The following DMD variants were observed in gnomAD, a reference collection of about 807,000 sequenced individuals.
DMD encodes the protein mutant dystrophin.
In DMD, 63 loss-of-function variants were observed where a neutral mutation model predicts 330.1. That is an observed-to-expected ratio of 0.19 (90% CI 0.16 to 0.24). The LOEUF (loss-of-function observed/expected upper bound fraction) is 0.24. Among genes scored for constraint, DMD ranks in the 10% least tolerant of loss-of-function variants. The pLI, the probability that DMD is intolerant of heterozygous loss-of-function variation, is 1.00. For synonymous variants in DMD, 1,223 were observed against 959.8 expected, an observed-to-expected ratio of 1.27 and a Z score of -5.07; for missense variants, 3,344 against 2,684.1, an observed-to-expected ratio of 1.25 and a Z score of -5.43.
At chrX:32,111,123 A>G (rs2096587415) in intron 44 of DMD, among the ~76,000 whole-genome samples, 1 of 112,345 alleles carries the variant, frequency 8.9e-6, no homozygotes, top group South Asian at 3.7e-4. Context: ...AGGTCCATCA[A>G]ACAGCCCAAT....
At chrX:32,564,520 T>A (rs1432529714) in intron 16 of DMD, among the ~76,000 whole-genome samples, 1 of 112,077 alleles carries the variant, frequency 8.9e-6, no homozygotes, top group East Asian at 2.8e-4. Context: ...GGAATCATAA[T>A]ATAGTACTAA....
intron 7 of DMD, among the ~76,000 whole-genome samples, chrX:32,708,288 T>C (rs1168564407): frequency 9.2e-6 from 1 of 109,025 alleles, no homozygotes; most frequent in Non-Finnish European, 1.9e-5. Context: ...TGATCAGGTT[T>C]TTTTTTTTTT....
intron 44 of DMD, among the ~76,000 whole-genome samples, chrX:31,968,730 G>A (rs1421684385): frequency 1.8e-5 from 2 of 111,458 alleles, no homozygotes; most frequent in African/African-American, 3.3e-5. Context: ...GCACCCTCTC[G>A]GTTAGCTCCA....
intron 1 of DMD, among the ~76,000 whole-genome samples, chrX:33,249,369 T>A (rs2052729368): frequency 9.0e-6 from 1 of 111,615 alleles, no homozygotes; most frequent in Non-Finnish European, 1.9e-5. Flanking sequence ...CAGGCTGGTC[T>A]CGAACTCCTG....
chrX:32,391,903 G>C (rs2098005429), intron 30 of DMD, among the ~76,000 whole-genome samples: 1 of 111,917 alleles, frequency 8.9e-6, no homozygotes, highest in Non-Finnish European at 1.9e-5. Context: ...TCTTGGAAAT[G>C]TTAATCCTCC....
intron 48 of DMD, among the ~76,000 whole-genome samples, chrX:31,844,437 C>T (rs1026411392): frequency 2.7e-5 from 3 of 110,810 alleles, no homozygotes; most frequent in Non-Finnish European, 3.8e-5. Context: ...TAACTGTAGC[C>T]TTATAGTATA....
intron 61 of DMD, among the ~76,000 whole-genome samples, chrX:31,335,434 A>C (rs984297283): frequency 8.9e-6 from 1 of 112,466 alleles, no homozygotes; most frequent in African/African-American, 3.2e-5. Context: ...TTAATAAAAA[A>C]GTAATGCAGG....
At chrX:32,732,926 T>C (rs767562453) in intron 7 of DMD, among the ~76,000 whole-genome samples, 3 of 111,230 alleles carry the variant, frequency 2.7e-5, no homozygotes, top group Non-Finnish European at 3.8e-5. Flanking sequence ...TAACCTTAAA[T>C]GTAAATGGGC....
At chrX:31,165,201 C>T (rs2039287363) in intron 74 of DMD, among the ~76,000 whole-genome samples, 1 of 112,066 alleles carries the variant, frequency 8.9e-6, no homozygotes, top group Admixed American at 9.4e-5. Flanking sequence ...AGTAACTGAT[C>T]TAGAACTTCT....
At chrX:33,284,299 G>A (rs1194481289) in intron 1 of DMD, among the ~76,000 whole-genome samples, 1 of 110,399 alleles carries the variant, frequency 9.1e-6, no homozygotes, top group African/African-American at 3.3e-5. Context: ...AAGCACATTT[G>A]GTTTGAATAT....
intron 18 of DMD, among the ~76,000 whole-genome samples, chrX:32,504,085 A>G (rs1369706718): frequency 8.9e-6 from 1 of 111,958 alleles, no homozygotes; most frequent in Non-Finnish European, 1.9e-5. Context: ...CAGTGGAGAA[A>G]AAGTCTTTAA....
chrX:32,721,319 A>G (rs952686760), intron 7 of DMD, among the ~76,000 whole-genome samples: 2 of 110,379 alleles, frequency 1.8e-5, no homozygotes, highest in African/African-American at 6.6e-5. Context: ...ATTTACACCG[A>G]CACCAGCAGT....
At chrX:32,631,849 G>C (rs913999535) in intron 11 of DMD, among the ~76,000 whole-genome samples, 1 of 111,261 alleles carries the variant, frequency 9.0e-6, no homozygotes, top group East Asian at 2.9e-4. Context: ...AGTGAGGATT[G>C]TAATTCAATG....
At chrX:31,970,767 C>T (rs983248605) in intron 44 of DMD, among the ~76,000 whole-genome samples, 5 of 110,553 alleles carry the variant, frequency 4.5e-5, no homozygotes, top group African/African-American at 6.6e-5. Context: ...CTTGAGGCAA[C>T]GTAAATTATT....
chrX:31,560,575 C>T (rs183287523), intron 55 of DMD, among the ~76,000 whole-genome samples: 9 of 110,891 alleles, frequency 8.1e-5, no homozygotes, highest in Admixed American at 6.7e-4. Context: ...AAAATAGACA[C>T]TCGAACAGAC....
chrX:31,881,353 C>G (rs1188373268), intron 47 of DMD, among the ~76,000 whole-genome samples: 2 of 105,434 alleles, frequency 1.9e-5, no homozygotes, highest in African/African-American at 7.0e-5. Context: ...GAGATCGGGA[C>G]CATCCTGGCT....
At chrX:31,293,218 T>TGTGTGTGTGTAGTCTGGTTTA (rs2053891312) in intron 62 of DMD, among the ~76,000 whole-genome samples, 2 of 95,900 alleles carry the variant, frequency 2.1e-5, no homozygotes, top group African/African-American at 8.8e-5. Context: ...TGTGTGTGTG[T>TGTGTGTGTGTAGTCTGGTTTA]GTGTGTGTGT....
intron 55 of DMD, among the ~76,000 whole-genome samples, chrX:31,527,331 T>G (rs2073320187): frequency 1.8e-5 from 2 of 111,850 alleles, no homozygotes; most frequent in Admixed American, 1.9e-4. Context: ...TTGGACAGGT[T>G]GGAAATTAAA....
At chrX:32,305,907 C>T (rs761613371) in intron 42 of DMD, among the ~76,000 whole-genome samples, 13 of 110,779 alleles carry the variant, frequency 1.2e-4, no homozygotes, top group Non-Finnish European at 2.5e-4. Flanking sequence ...TCTACACAGA[C>T]TCCATGGCTG....
Sources: allele counts gnomAD v4.1 joint callset (sites outside exome capture counted in the v4.1 genomes callset), GRCh38; gene constraint gnomAD v4.1.1; transcripts MANE v1.5; gene names NCBI Gene and HGNC (gene_info 2026-07-23, HGNC 2026-07-21).